The following UGT1A10 variants were observed in gnomAD, a reference collection of about 807,000 sequenced individuals.
The protein encoded by UGT1A10 is UDP glucuronosyltransferase family 1 member A10.
A neutral mutation model predicts 45.8 loss-of-function variants in UGT1A10; 49 were observed. The ratio of observed to expected loss-of-function variants is 1.07; its 90% CI spans 0.85 to 1.36. UGT1A10 has a LOEUF of 1.36. Ranked by LOEUF, UGT1A10 falls within the 40% of genes most tolerant of loss-of-function variation. The probability of loss-of-function intolerance (pLI) is 0.00; values close to 1 mark genes in which losing one functional copy is unlikely to be tolerated. For missense variants in UGT1A10, 745 were observed against 668.6 expected (o/e 1.11, Z -1.26); for synonymous variants, 284 against 249.7 (o/e 1.14, Z -1.29).
At chr2:233,681,851 G>C (rs910682008) in intron 1 of UGT1A10, 2 of 1,517,658 alleles carry the variant, frequency 1.3e-6, no homozygotes, top group African/African-American at 2.8e-5. Context: ...GCCTTCTTTT[G>C]AGGGCAGGTT....
Position 233,747,571 on chromosome 2 carries a change from C to A in UGT1A10, c.856-19463C>A, listed in dbSNP as rs1265322590. The A allele has an allele frequency of 7.6e-6, 12 of 1,588,364 alleles. No individual in the cohort carries two copies. In the African/African-American group the frequency reaches 1.4e-4, roughly 18 times the overall value. ...AAAAGTATGGCAATTTTGAAAAATT[C>A]ATCTTTGGTCTTTCATAGGTCTTGT... On this transcript the variant is annotated intron_variant, in intron 1 of 4. Coordinates refer to ENST00000344644, the MANE Select transcript of UGT1A10 (RefSeq NM_019075.4).
At chr2:233,743,214 G>A (rs1433363859) in intron 1 of UGT1A10, 1 of 406,842 alleles carries the variant, frequency 2.5e-6, no homozygotes, top group Non-Finnish European at 4.9e-6. Flanking sequence ...CGGAGTAACT[G>A]CTCTTTGCTA....
intron 3 of UGT1A10, 26 bp downstream of exon 3, chr2:233,767,962 G>C (rs775218208): frequency 6.2e-7 from 1 of 1,614,120 alleles, no homozygotes; most frequent in Non-Finnish European, 8.5e-7. Context: ...TGGATGTATA[G>C]GTCAAACCAG....
intron 1 of UGT1A10, among the ~76,000 whole-genome samples, chr2:233,687,003 T>C (rs2074816550): frequency 2.0e-5 from 3 of 152,210 alleles, no homozygotes; most frequent in South Asian, 2.1e-4. Context: ...GTTTCAACAC[T>C]AGAGGACTTT....
chr2:233,757,535 AATATAT>A (rs67292694), intron 1 of UGT1A10, among the ~76,000 whole-genome samples: 4 of 88,308 alleles, frequency 4.5e-5, no homozygotes, highest in East Asian at 2.8e-4. Flanking sequence ...GCCTGTAAGG[AATATAT>A]ATATATATAT....
At chr2:233,709,349 A>C (rs1242189375) in intron 1 of UGT1A10, among the ~76,000 whole-genome samples, 3 of 152,182 alleles carry the variant, frequency 2.0e-5, no homozygotes. Flanking sequence ...TAAACCTATT[A>C]CTATATAGAT....
intron 1 of UGT1A10, among the ~76,000 whole-genome samples, chr2:233,724,415 C>T (rs1413397133): frequency 1.7e-4 from 22 of 126,854 alleles, no homozygotes; most frequent in East Asian, 7.8e-4. Flanking sequence ...GGGTGGCTGC[C>T]GGGCGGAGAG....
At chr2:233,667,700 C>T (rs1304071524) in intron 1 of UGT1A10, among the ~76,000 whole-genome samples, 3 of 152,132 alleles carry the variant, frequency 2.0e-5, no homozygotes, top group Non-Finnish European at 4.4e-5. Flanking sequence ...AATCAAACAG[C>T]CCCATCAAAA....
In UGT1A10 at chr2:233,772,554, C is replaced by T. The variant is rs768200668; in HGVS notation, c.1588C>T (p.His530Tyr). 6.2e-7 allele frequency: 1 copy of T among 1,613,984 alleles called. No homozygotes were observed. The highest frequency in any genetic ancestry group is 1.1e-5 in the South Asian group (1 of 91,072). ...TAAGAAAGCCCACAAATCCAAGACC[C>T]ATTGAGAAGTGGGTGGGAAATAAGG... Reference protein sequence around the residue: ...RVKKAHKSKTH With the variant: ...RVKKAHKSKTY The change falls in exon 5 of 5, where the codon CAT (histidine) becomes TAT (tyrosine). Residue 530 changes from histidine (H) to tyrosine (Y), a missense_variant. Physicochemically the swap from His to Tyr is moderately conservative, Grantham distance 83. Coordinates refer to ENST00000344644, the MANE Select transcript of UGT1A10 (RefSeq NM_019075.4).
At chr2:233,770,765 A>G (rs962602628) in intron 4 of UGT1A10, 1 of 152,230 alleles carries the variant, frequency 6.6e-6, no homozygotes, top group Non-Finnish European at 1.5e-5. Context: ...ATTACATTAT[A>G]ATAATGTTTC....
intron 1 of UGT1A10, among the ~76,000 whole-genome samples, chr2:233,651,334 A>AT (rs1449528664): frequency 6.6e-6 from 1 of 152,200 alleles, no homozygotes; most frequent in Admixed American, 6.5e-5. Flanking sequence ...GCTATGTGTG[A>AT]TTTTATATCA....
intron 1 of UGT1A10, chr2:233,754,969 T>C: frequency 7.7e-7 from 1 of 1,302,646 alleles, no homozygotes; most frequent in African/African-American, 1.5e-5. Flanking sequence ...AAGAACTCCC[T>C]GAAGACCTCG....
intron 1 of UGT1A10, among the ~76,000 whole-genome samples, chr2:233,660,981 T>A (rs1002855561): frequency 1.3e-5 from 2 of 152,178 alleles, no homozygotes; most frequent in African/African-American, 4.8e-5. Context: ...TATTTAGCTT[T>A]ATGTTGTCAT....
chr2:233,694,567 T>C (rs1308269202), intron 1 of UGT1A10, among the ~76,000 whole-genome samples: 1 of 152,220 alleles, frequency 6.6e-6, no homozygotes, highest in Non-Finnish European at 1.5e-5. Context: ...GAGTTTTAAA[T>C]TTCAATGTAA....
intron 1 of UGT1A10, chr2:233,729,198 C>T (rs2077812796): frequency 6.2e-6 from 10 of 1,614,028 alleles, no homozygotes; most frequent in Non-Finnish European, 8.5e-6. Flanking sequence ...GTGTCCAGCC[C>T]TGGGCTGAGA....
At chr2:233,672,489 T>G (rs957048828) in intron 1 of UGT1A10, 22 of 1,613,968 alleles carry the variant, frequency 1.4e-5, no homozygotes, top group Non-Finnish European at 1.7e-5. Context: ...AGTGCCCTGC[T>G]CCTCTTTCCT....
At chr2:233,672,797 A>C in intron 1 of UGT1A10, 2 of 1,612,736 alleles carry the variant, frequency 1.2e-6, no homozygotes, top group Non-Finnish European at 8.5e-7. Flanking sequence ...ATGGTAAGTT[A>C]TCTCTCCTTT....
At chr2:233,715,195 A>G (rs1327063054) in intron 1 of UGT1A10, among the ~76,000 whole-genome samples, 4 of 152,188 alleles carry the variant, frequency 2.6e-5, no homozygotes, top group South Asian at 2.1e-4. Context: ...CAATTTTTCT[A>G]TCTTTTAAAA....
At chr2:233,760,137 C>G (rs1317655516) in intron 1 of UGT1A10, 2 of 1,403,084 alleles carry the variant, frequency 1.4e-6, no homozygotes, top group Non-Finnish European at 1.9e-6. Context: ...TTCTTTATCT[C>G]TGAAAGTGAA....
Sources: gnomAD v4.1 joint callset for allele counts (sites outside exome capture counted in the v4.1 genomes callset) on GRCh38, gnomAD v4.1.1 for gene constraint, MANE v1.5 for transcripts, NCBI Gene and HGNC (gene_info 2026-07-23, HGNC 2026-07-21) for gene names.